The following KALRN variants were observed in gnomAD, a reference collection of about 807,000 sequenced individuals.
The protein encoded by KALRN is kalirin RhoGEF kinase.
A neutral mutation model predicts 353.7 loss-of-function variants in KALRN; 70 were observed. The observed-to-expected ratio is 0.20, with a 90% CI of 0.16 to 0.24. KALRN has a LOEUF of 0.24. Among genes scored for constraint, KALRN ranks in the 10% least tolerant of loss-of-function variants. The pLI is 1.00. For missense variants in KALRN, 2,791 were observed against 3,756.7 expected, an observed-to-expected ratio of 0.74 and a Z score of 6.72; for synonymous variants, 1,391 against 1,434.8, an observed-to-expected ratio of 0.97 and a Z score of 0.69.
rs2063349970 is a variant in KALRN at position 124,721,219 on chromosome 3, C to A, written c.*1749C>A. The A allele has an allele frequency of 6.6e-6, 1 of 151,922 alleles. No individual in the cohort carries two copies. Among genetic ancestry groups the A allele is most frequent in the African/African-American group, 2.4e-5 (1 of 41,380 alleles). 9.4% of individuals were successfully genotyped at this position (151,922 alleles called of 1,614,324 possible). Reference sequence around the variant, plus strand: ...TTTCAAAGACAACTTCCTCATTCGCCCTCCACCTCATCCCATCCAAGATTA... The same window carrying A: ...TTTCAAAGACAACTTCCTCATTCGCACTCCACCTCATCCCATCCAAGATTA... On this transcript the variant is annotated 3_prime_UTR_variant, in exon 60 of 60. Coordinates refer to ENST00000682506, the MANE Select transcript of KALRN (RefSeq NM_001388419.1).
chr3:124,569,317 A>T (rs1304874410), intron 34 of KALRN, among the ~76,000 whole-genome samples: 1 of 152,126 alleles, frequency 6.6e-6, no homozygotes, highest in Admixed American at 6.5e-5. Flanking sequence ...CAGCTTCCCC[A>T]TGCTGCAGAA....
chr3:124,564,005 CA>C (rs56072904), intron 34 of KALRN, among the ~76,000 whole-genome samples: 10,521 of 96,430 alleles, frequency 0.11, 363 homozygotes, highest in Middle Eastern at 0.21. Context: ...GACTCTGTCT[CA>C]AAAAAAAAAA....
intron 1 of KALRN, among the ~76,000 whole-genome samples, chr3:124,133,869 G>T (rs1011078104): frequency 2.6e-5 from 4 of 152,164 alleles, no homozygotes; most frequent in Non-Finnish European, 5.9e-5. Context: ...ACTGCTGAAA[G>T]AAATCATAGA....
Position 124,398,884 on chromosome 3 carries a change from C to G in KALRN, c.2346+13C>G. 1.3e-6 allele frequency: 2 copies of G among 1,590,874 alleles called. No homozygotes were observed. The highest frequency in any genetic ancestry group is 1.7e-6 in the Non-Finnish European group (2 of 1,167,552). On this transcript the variant is annotated intron_variant, in intron 13 of 59. Transcript: ENST00000682506. ...GTACACCATCGAGGTAGCAGGGGGC[C>G]AGGAGGGGAGGTGGAGAGGGGCCAA... is the stretch of plus-strand genomic sequence containing the variant.
At chr3:124,365,373 T>C (rs1343410644) in intron 10 of KALRN, among the ~76,000 whole-genome samples, 1 of 152,206 alleles carries the variant, frequency 6.6e-6, no homozygotes, top group East Asian at 1.9e-4. Context: ...CTCACTGTTG[T>C]GTCTCTCCCA....
chr3:124,625,444 A>G (rs1233291299), intron 34 of KALRN, among the ~76,000 whole-genome samples: 1 of 152,196 alleles, frequency 6.6e-6, no homozygotes, highest in African/African-American at 2.4e-5. Context: ...TGGTCTGGCC[A>G]GGTATGATGG....
chr3:124,495,936 C>T (rs1406030864), intron 32 of KALRN, among the ~76,000 whole-genome samples: 9 of 109,476 alleles, frequency 8.2e-5, no homozygotes, highest in Non-Finnish European at 1.3e-4. Flanking sequence ...CTTACAGACC[C>T]GTTCCCAAGT....
intron 34 of KALRN, among the ~76,000 whole-genome samples, chr3:124,565,772 A>G (rs572294495): frequency 3.9e-5 from 6 of 152,312 alleles, no homozygotes; most frequent in South Asian, 2.1e-4. Context: ...CACATGTGCA[A>G]CTTCGCAGGA....
At chr3:124,451,706 A>C (rs1355183477) in intron 21 of KALRN, among the ~76,000 whole-genome samples, 2 of 152,212 alleles carry the variant, frequency 1.3e-5, no homozygotes, top group African/African-American at 2.4e-5. Flanking sequence ...TCAGTGACTC[A>C]GCCCCATGGG....
At chr3:124,366,104 G>A (rs2084655017) in intron 10 of KALRN, among the ~76,000 whole-genome samples, 1 of 152,122 alleles carries the variant, frequency 6.6e-6, no homozygotes, top group African/African-American at 2.4e-5. Context: ...GCTATGATAA[G>A]CAATGTCATA....
At chr3:124,678,810 C>T (rs775690954) in intron 50 of KALRN, among the ~76,000 whole-genome samples, 4 of 152,154 alleles carry the variant, frequency 2.6e-5, no homozygotes, top group African/African-American at 9.7e-5. Flanking sequence ...GGCCATTTTA[C>T]TTGCATGGAC....
chr3:124,098,982 A>G (rs1329264489), intron 1 of KALRN, among the ~76,000 whole-genome samples: 1 of 152,206 alleles, frequency 6.6e-6, no homozygotes, highest in Admixed American at 6.5e-5. Context: ...ATGCTTTTAA[A>G]AATTGACACA....
At chr3:124,462,943 A>G (rs999130014) in intron 25 of KALRN, among the ~76,000 whole-genome samples, 1 of 152,206 alleles carries the variant, frequency 6.6e-6, no homozygotes, top group Non-Finnish European at 1.5e-5. Context: ...CTTGTGGGAA[A>G]TCCTGACGTT....
intron 34 of KALRN, among the ~76,000 whole-genome samples, chr3:124,630,966 A>C (rs2080710885): frequency 6.6e-6 from 1 of 151,978 alleles, no homozygotes; most frequent in Non-Finnish European, 1.5e-5. Flanking sequence ...GGCCCCCTCC[A>C]TTCCACTACA....
intron 20 of KALRN, 144 bp downstream of exon 20, chr3:124,446,420 T>A (rs2093841305): frequency 1.6e-6 from 1 of 642,538 alleles, no homozygotes; most frequent in African/African-American, 1.8e-5. Context: ...GGTTGTCACC[T>A]GTCAGCAGTT....
At chr3:124,350,838 T>G (rs1287154724) in intron 10 of KALRN, among the ~76,000 whole-genome samples, 1 of 152,182 alleles carries the variant, frequency 6.6e-6, no homozygotes, top group South Asian at 2.1e-4. Context: ...GAAAAGCAGA[T>G]GTGAGCTACA....
chr3:124,133,593 C>G (rs1414775959), intron 1 of KALRN, among the ~76,000 whole-genome samples: 1 of 152,218 alleles, frequency 6.6e-6, no homozygotes, highest in Non-Finnish European at 1.5e-5. Flanking sequence ...CAGACCCACT[C>G]CTGTGCCTTA....
rs1245279249 is a variant in KALRN at position 124,434,495 on chromosome 3, C to T, written c.3018C>T (p.Ala1006=). 1 of 1,614,100 alleles carries T rather than the reference C, an allele frequency of 6.2e-7. No individual in the cohort carries two copies. Among genetic ancestry groups the T allele is most frequent in the Non-Finnish European group, 8.5e-7 (1 of 1,180,030 alleles). The change falls in exon 17 of 60, where the codon GCC becomes GCT. Residue 1006 remains alanine, a synonymous_variant. Transcript: ENST00000682506. ...KMEDRLKLVN[A]SVAFYKTSEQ... ...AAGACCGGCTAAAATTGGTCAATGC[C>T]TCTGTGGCCTTTTACAAAACTTCTG...
chr3:124,681,627 G>GTTT (rs2087780246), intron 51 of KALRN, among the ~76,000 whole-genome samples: 8 of 111,470 alleles, frequency 7.2e-5, no homozygotes, highest in Non-Finnish European at 1.1e-4. Flanking sequence ...TTCAGTGATT[G>GTTT]TCTTTTTTTT....
Sources: allele counts gnomAD v4.1 joint callset (sites outside exome capture counted in the v4.1 genomes callset), GRCh38; gene constraint gnomAD v4.1.1; transcripts MANE v1.5; gene names NCBI Gene and HGNC (gene_info 2026-07-23, HGNC 2026-07-21).